ZNF326: variants seen among roughly 807,000 people sequenced by gnomAD.
The protein encoded by ZNF326 is DBIRD complex subunit ZNF326.
A neutral mutation model predicts 63.1 loss-of-function variants in ZNF326; 30 were observed. The observed-to-expected ratio is 0.48, with a 90% CI of 0.36 to 0.64. The LOEUF (loss-of-function observed/expected upper bound fraction) is 0.64, where lower values mean the gene tolerates loss of function less well. Among genes scored for constraint, ZNF326 ranks in the 30% least tolerant of loss-of-function variants. The pLI, the probability that ZNF326 is intolerant of heterozygous loss-of-function variation, is 0.00. For missense variants in ZNF326, 609 were observed against 720.3 expected, an observed-to-expected ratio of 0.85 and a Z score of 1.77; for synonymous variants, 194 against 228.2, an observed-to-expected ratio of 0.85 and a Z score of 1.35.
intron 2 of ZNF326, among the ~76,000 whole-genome samples, chr1:90,003,143 T>TTTC (rs1648774738): frequency 6.6e-6 from 1 of 151,754 alleles, no homozygotes; most frequent in African/African-American, 2.4e-5. Flanking sequence ...TTTTTTTTTT[T>TTTC]TTCTTTGAGA....
At chr1:90,010,928 C>T (rs1441817688) in intron 6 of ZNF326, among the ~76,000 whole-genome samples, 1 of 152,112 alleles carries the variant, frequency 6.6e-6, no homozygotes, top group African/African-American at 2.4e-5. Context: ...AAACCTGATA[C>T]TAAGCAGAGT....
chr1:90,010,048 G>A, intron 5 of ZNF326, 40 bp from the exon 6 acceptor site: 1 of 1,558,662 alleles, frequency 6.4e-7, no homozygotes, highest in Non-Finnish European at 8.8e-7. Flanking sequence ...ATTTTTTCTT[G>A]GACAATATGC....
At position 89,995,932 on chromosome 1, in the gene ZNF326, T is replaced by C. The variant is rs115742579; in HGVS notation, c.16+659T>C. Reference sequence around the variant, plus strand: ...TTTATGTGAACCAAAGCACTTTTCTTTGGATCGTGTGTAGGTAGGATTTAA... The same window carrying C: ...TTTATGTGAACCAAAGCACTTTTCTCTGGATCGTGTGTAGGTAGGATTTAA... On this transcript the variant is annotated intron_variant, in intron 1 of 11. Transcript: ENST00000340281. Among the ~76,000 whole-genome samples, 536 of 152,318 alleles carry C rather than the reference T, an allele frequency of 3.5e-3. 5 individuals are homozygous for C. The highest frequency in any genetic ancestry group is 3.5e-3 in the Non-Finnish European group (241 of 68,022).
intron 2 of ZNF326, among the ~76,000 whole-genome samples, chr1:90,002,742 G>A (rs1648747089): frequency 6.6e-6 from 1 of 152,086 alleles, no homozygotes; most frequent in Admixed American, 6.5e-5. Flanking sequence ...AATGAAAAAA[G>A]CAGTAACATA....
rs1306566181 is a variant in ZNF326 at position 90,030,334 on chromosome 1, C to T, written c.*2633C>T. The T allele has an allele frequency of 6.6e-6, 1 of 151,278 alleles. No individual in the cohort carries two copies. Among genetic ancestry groups the T allele is most frequent in the Middle Eastern group, 3.2e-3 (1 of 314 alleles). 9.4% of individuals were successfully genotyped at this position (151,278 alleles called of 1,614,324 possible). A position where few individuals can be genotyped will look rare whatever the true frequency, so the allele number is the denominator to read the frequency against. On this transcript the variant is annotated 3_prime_UTR_variant, in exon 12 of 12. Coordinates refer to ENST00000340281, the MANE Select transcript of ZNF326 (RefSeq NM_182976.4). ...AAAATGTAATTCAGATGATGTTAAT[C>T]TCATGCTTTTTTTTTTTTTGTACCT...
rs986553214 is a variant in ZNF326, at chr1:90,021,018, A to G, written c.1305+96A>G. The G allele has an allele frequency of 6.3e-6, 8 of 1,269,514 alleles. No homozygotes were observed. The African/African-American group carries it at 1.2e-4, about 19-fold the overall frequency. 78.6% of individuals were successfully genotyped at this position (1,269,514 alleles called of 1,614,324 possible). On this transcript the variant is annotated intron_variant, in intron 10 of 11. Coordinates refer to ENST00000340281, the MANE Select transcript of ZNF326 (RefSeq NM_182976.4). ...CTTCACACCTATCTGCAATTTTATC[A>G]ATTTATCAATCTCATATGGAAATAA...
chr1:90,002,769 A>T (rs766627894), intron 2 of ZNF326, among the ~76,000 whole-genome samples: 29 of 152,318 alleles, frequency 1.9e-4, no homozygotes, highest in Middle Eastern at 6.8e-3. Context: ...TATGTTTTGT[A>T]TATTGATAAA....
Position 90,027,344 on chromosome 1 carries a change from A to T in ZNF326, c.1402-10A>T, listed in dbSNP as rs1650057942. The T allele has an allele frequency of 6.2e-7, 1 of 1,610,734 alleles. No homozygotes were observed. The highest frequency in any genetic ancestry group is 1.7e-5 in the Admixed American group (1 of 59,240). ...GTGCTGATTTTGAAAGCCATTTCTT[A>T]TGTTTTTAGGGTGAGAATCCTTTTG... On this transcript the variant is annotated splice_polypyrimidine_tract_variant and intron_variant, in intron 11 of 11. Transcript: ENST00000340281.
intron 2 of ZNF326, among the ~76,000 whole-genome samples, chr1:89,999,689 A>C (rs1235123221): frequency 6.6e-6 from 1 of 152,150 alleles, no homozygotes; most frequent in African/African-American, 2.4e-5. Context: ...AACTACTCTG[A>C]ATGATTTTGG....
intron 6 of ZNF326, among the ~76,000 whole-genome samples, chr1:90,011,526 T>G (rs1160104178): frequency 6.6e-6 from 1 of 151,280 alleles, no homozygotes; most frequent in African/African-American, 2.4e-5. Context: ...GTTTTTTTTT[T>G]TTTTTTTTTT....
rs1410899649 is a variant in ZNF326, at chr1:90,031,038, C to G, written c.*3337C>G. ...TCAGTGATTGCACTTTGAGGACATTCATAGGGCCCTCATACAAATTTCTGG... is the reference window on the plus strand; with the variant it reads ...TCAGTGATTGCACTTTGAGGACATTGATAGGGCCCTCATACAAATTTCTGG... On this transcript the variant is annotated 3_prime_UTR_variant, in exon 12 of 12. Transcript: ENST00000340281. The G allele has an allele frequency of 1.3e-5, 2 of 152,212 alleles. No individual in the cohort carries two copies. Among genetic ancestry groups the G allele is most frequent in the African/African-American group, 4.8e-5 (2 of 41,440 alleles). The allele number at this position is 152,212 out of a possible 1,614,324, so 9.4% of individuals were successfully genotyped here.
intron 10 of ZNF326, among the ~76,000 whole-genome samples, chr1:90,021,441 A>G (rs550639972): frequency 6.6e-6 from 1 of 152,188 alleles, no homozygotes; most frequent in Admixed American, 6.5e-5. Context: ...GATGGTTGGG[A>G]AAAATACATT....
chr1:90,009,261 A>G (rs912909569), intron 5 of ZNF326, among the ~76,000 whole-genome samples: 1 of 152,086 alleles, frequency 6.6e-6, no homozygotes, highest in African/African-American at 2.4e-5. Context: ...CACTTGTACA[A>G]TTCCCCTTGG....
intron 7 of ZNF326, among the ~76,000 whole-genome samples, chr1:90,016,084 A>G (rs1167465365): frequency 6.6e-6 from 1 of 152,062 alleles, no homozygotes; most frequent in African/African-American, 2.4e-5. Context: ...CTTACCTCCT[A>G]TAGGAAGTAG....
At position 90,033,285 on chromosome 1, in the gene ZNF326, C is replaced by T. The variant is rs1162207087; in HGVS notation, c.*5584C>T. On this transcript the variant is annotated 3_prime_UTR_variant, in exon 12 of 12. Coordinates refer to ENST00000340281, the MANE Select transcript of ZNF326 (RefSeq NM_182976.4). ...TATAAAAAGTTTGTTGACTCCTAGG[C>T]TCTCATTTGCAAGTAGACAAATGAG... 3 of 152,050 alleles carry T rather than the reference C, an allele frequency of 2.0e-5. No homozygotes were observed. The highest frequency in any genetic ancestry group is 4.8e-5 in the African/African-American group (2 of 41,374). 9.4% of individuals were successfully genotyped at this position (152,050 alleles called of 1,614,324 possible).
chr1:90,005,136 T>C lies in ZNF326; in HGVS notation c.101T>C (p.Met34Thr), dbSNP rs768273024. The C allele has an allele frequency of 6.2e-7, 1 of 1,614,068 alleles. No homozygotes were observed. Among genetic ancestry groups the C allele is most frequent in the Non-Finnish European group, 8.5e-7 (1 of 1,180,004 alleles). The change falls in exon 4 of 12, where the codon ATG (methionine) becomes ACG (threonine). Residue 34 changes from methionine to threonine, a missense_variant. Physicochemically the swap from Met to Thr is moderately conservative, Grantham distance 81. Coordinates refer to ENST00000340281, the MANE Select transcript of ZNF326 (RefSeq NM_182976.4). ...TTTTCTTTTTAAACTCTTATAGGGA[T>C]GGATCGTGACTATGGCCATGGATCC... ...RDYGPGSYGG[M>T]DRDYGHGSYG... is the part of the protein sequence containing the mutation.
chr1:90,006,588 T>C (rs901152356), intron 4 of ZNF326: 2 of 526,218 alleles, frequency 3.8e-6, no homozygotes, highest in Non-Finnish European at 4.9e-6. Flanking sequence ...GAAATAATTT[T>C]GCAAATAATT....
In ZNF326 at chr1:90,023,818, C is replaced by G. The variant is rs558599183; in HGVS notation, c.1401+1473C>G. The stretch of plus-strand genomic sequence containing the variant: ...TGAGAGATGTCACTGGTGGGAGTAT[C>G]CTGCTCATGCACATGTTGTAGAGAA... On this transcript the variant is annotated intron_variant, in intron 11 of 11. Coordinates refer to ENST00000340281, the MANE Select transcript of ZNF326 (RefSeq NM_182976.4). Among the ~76,000 whole-genome samples the G allele has an allele frequency of 3.3e-5, 5 of 152,234 alleles. No individual in the cohort carries two copies. In the East Asian group the frequency reaches 9.7e-4, roughly 29 times the overall value.
chr1:90,023,347 TTTTG>T (rs2101092074), intron 11 of ZNF326, among the ~76,000 whole-genome samples: 1 of 152,316 alleles, frequency 6.6e-6, no homozygotes, highest in South Asian at 2.1e-4. Context: ...ATTAAAGAAG[TTTTG>T]TTTATTTTGT....
Sources: allele counts gnomAD v4.1 joint callset (sites outside exome capture counted in the v4.1 genomes callset), GRCh38; gene constraint gnomAD v4.1.1; transcripts MANE v1.5; gene names NCBI Gene and HGNC (gene_info 2026-07-23, HGNC 2026-07-21).